Variants in CRYBB1 observed in about 807,000 individuals in gnomAD.
CRYBB1 encodes the protein crystallin beta B1.
CRYBB1 carries 16 observed loss-of-function variants against 29.5 expected under a neutral mutation model. The observed-to-expected ratio is 0.54, with a 90% CI of 0.37 to 0.82. The LOEUF (loss-of-function observed/expected upper bound fraction) is 0.82, where lower values mean the gene tolerates loss of function less well. CRYBB1 is among the 40% of genes least tolerant of loss of function. CRYBB1 has a pLI of 0.00. For missense variants in CRYBB1, 300 were observed against 350.5 expected (o/e 0.86, Z 1.15); for synonymous variants, 127 against 136.7 (o/e 0.93, Z 0.49).
rs1929350147 is a variant in CRYBB1, at chr22:26,616,252, C to T, written c.68G>A (p.Gly23Glu). The part of the protein sequence containing the change: ...VAVNPGPDTK[G>E]KGAPPAGTSP... The stretch of plus-strand genomic sequence containing the variant: ...TGTTCCTGCAGGTGGGGCCCCCTTC[C>T]CCTTGGTGTCAGGCCCTGGGTTCAC... The change falls in exon 2 of 6, where the codon GGG becomes GAG. Residue 23 changes from glycine to glutamate, a missense_variant. By Grantham distance (98) the Gly-to-Glu change is moderately conservative. Coordinates refer to ENST00000647684, the MANE Select transcript of CRYBB1 (RefSeq NM_001887.4). 6.2e-7 allele frequency: 1 copy of T among 1,614,102 alleles called. No individual in the cohort carries two copies. Among genetic ancestry groups the T allele is most frequent in the Non-Finnish European group, 8.5e-7 (1 of 1,179,946 alleles).
At chr22:26,612,885 C>T (rs1929223149) in intron 2 of CRYBB1, among the ~76,000 whole-genome samples, 1 of 152,204 alleles carries the variant, frequency 6.6e-6, no homozygotes, top group Non-Finnish European at 1.5e-5. Flanking sequence ...TTGCCCCTTC[C>T]TCCATCGGCC....
intron 3 of CRYBB1, among the ~76,000 whole-genome samples, chr22:26,608,370 AG>A (rs1415879164): frequency 2.6e-5 from 4 of 152,186 alleles, no homozygotes; most frequent in African/African-American, 9.7e-5. Flanking sequence ...CAGGACTTGG[AG>A]CCAAGGAACA....
At chr22:26,599,857 C>T (rs1484130797) in intron 5 of CRYBB1, among the ~76,000 whole-genome samples, 184 bp from the exon 6 acceptor site, 2 of 152,348 alleles carry the variant, frequency 1.3e-5, no homozygotes, top group South Asian at 2.1e-4. Context: ...TGATAGGCCT[C>T]GGTTTCCTTT....
intron 5 of CRYBB1, among the ~76,000 whole-genome samples, chr22:26,601,542 C>T (rs1481134322): frequency 6.6e-6 from 1 of 151,692 alleles, no homozygotes; most frequent in Non-Finnish European, 1.5e-5. Flanking sequence ...ATATTCCCTG[C>T]TCCTGGATGC....
At chr22:26,609,000 G>A (rs4822748) in intron 3 of CRYBB1, among the ~76,000 whole-genome samples, 27,049 of 152,202 alleles carry the variant, frequency 0.18, 3,168 homozygotes, top group South Asian at 0.38. Flanking sequence ...AGGGACCAGG[G>A]ATTGTGGCAG....
chr22:26,612,096 C>T lies in CRYBB1; in HGVS notation c.275G>A (p.Arg92His), dbSNP rs750427170. ...NLADRGFDRVRSIIVSAGPWV... is the reference protein window; with the variant it reads ...NLADRGFDRVHSIIVSAGPWV... ...CGGTCCCGCGGAGACAATGATGCTG[C>T]GCACACGGTCGAAGCCACGGTCTGC... is the stretch of plus-strand genomic sequence containing the variant. Residue 92 changes from arginine (R) to histidine (H), a missense_variant, in exon 3 of 6, where the codon CGC (arginine) becomes CAC (histidine). Transcript: ENST00000647684. The T allele has an allele frequency of 1.0e-4, 161 of 1,613,370 alleles. No individual in the cohort carries two copies. In the East Asian group the frequency reaches 1.1e-3, roughly 11 times the overall value.
At position 26,607,991 on chromosome 22, in the gene CRYBB1, G is replaced by T. The variant is rs766550440; in HGVS notation, c.330C>A (p.Arg110=). The T allele has an allele frequency of 1.6e-5, 26 of 1,614,178 alleles. No individual in the cohort carries two copies. The highest frequency in any genetic ancestry group is 2.2e-5 in the Non-Finnish European group (26 of 1,180,034). ...PWVAFEQSNF[R]GEMFILEKGE... is the part of the protein sequence containing the mutation. ...CCTTCTCCAGGATGAACATCTCCCC[G>T]CGGAAGTTGGACTGCTCAAAGGCGA... The change falls in exon 4 of 6, where the codon CGC becomes CGA. Residue 110 remains arginine (R), a synonymous_variant. Coordinates refer to ENST00000647684, the MANE Select transcript of CRYBB1 (RefSeq NM_001887.4).
Position 26,601,953 on chromosome 22 carries a change from CT to C in CRYBB1, c.500del (p.Gln167ArgfsTer20), listed in dbSNP as rs1348869402. On this transcript the variant is annotated frameshift_variant, in exon 5 of 6. Transcript: ENST00000647684. LOFTEE classifies it high-confidence loss of function. ...ANFKGNTIEI[Q>X]GDDAPSLWVY... ...CCCAGAGACTGGGTGCGTCGTCCCC[CT>C]GGATCTCTATGGTGTTGCCCTTGAA... 4 of 1,613,596 alleles carry C rather than the reference CT, an allele frequency of 2.5e-6. No individual in the cohort carries two copies. The East Asian group carries it at 6.7e-5, about 27-fold the overall frequency.
At chr22:26,610,896 C>T (rs975642796) in intron 3 of CRYBB1, among the ~76,000 whole-genome samples, 14 of 152,140 alleles carry the variant, frequency 9.2e-5, no homozygotes, top group Non-Finnish European at 1.8e-4. Context: ...AAGCTCATCT[C>T]GGAATGGGCT....
Position 26,616,270 on chromosome 22 carries a change from G to T in CRYBB1, c.50C>A (p.Pro17Gln). Residue 17 changes from proline (P) to glutamine (Q), a missense_variant, in exon 2 of 6, where the codon CCA becomes CAA. Physicochemically the swap from Pro to Gln is moderately conservative, Grantham distance 76. Coordinates refer to ENST00000647684, the MANE Select transcript of CRYBB1 (RefSeq NM_001887.4). ...ASASATVAVN[P>Q]GPDTKGKGAP... is the part of the protein sequence containing the mutation. ...CCCCTTCCCCTTGGTGTCAGGCCCT[G>T]GGTTCACCGCCACTGTGGCCGAGGC... is the stretch of plus-strand genomic sequence containing the variant. The T allele has an allele frequency of 6.2e-7, 1 of 1,614,012 alleles. No homozygotes were observed. Among genetic ancestry groups the T allele is most frequent in the Non-Finnish European group, 8.5e-7 (1 of 1,179,888 alleles).
At chr22:26,609,704 C>T (rs1045887101) in intron 3 of CRYBB1, among the ~76,000 whole-genome samples, 11 of 152,162 alleles carry the variant, frequency 7.2e-5, no homozygotes, top group East Asian at 5.8e-4. Flanking sequence ...GGTGGATAGA[C>T]GCATGGGTGA....
intron 3 of CRYBB1, among the ~76,000 whole-genome samples, chr22:26,609,413 G>A (rs1423701076): frequency 2.6e-5 from 4 of 152,280 alleles, no homozygotes; most frequent in South Asian, 2.1e-4. Flanking sequence ...TGGATGGATG[G>A]GTGGATGAAA....
chr22:26,610,388 C>T (rs1353476963), intron 3 of CRYBB1, among the ~76,000 whole-genome samples: 1 of 152,176 alleles, frequency 6.6e-6, no homozygotes, highest in Non-Finnish European at 1.5e-5. Context: ...GACCCAGGCC[C>T]CCGGACCACA....
rs773201498 is a variant in CRYBB1, at chr22:26,601,889, A to T, written c.565T>A (p.Ser189Thr). ...AGGAGGGATGCTTACGTTCCACTGG[A>T]GACCTTCACGCTGCCCACGCGGTCA... is the stretch of plus-strand genomic sequence containing the variant. ...FSDRVGSVKV[S>T]SGTWVGYQYP... The change falls in exon 5 of 6, where the codon TCC (serine) becomes ACC (threonine). Residue 189 changes from serine (S) to threonine (T), a missense_variant. By Grantham distance (58) the Ser-to-Thr change is moderately conservative. Coordinates refer to ENST00000647684, the MANE Select transcript of CRYBB1 (RefSeq NM_001887.4). 2 of 1,612,070 alleles carry T rather than the reference A, an allele frequency of 1.2e-6. No homozygotes were observed. Among genetic ancestry groups the T allele is most frequent in the Non-Finnish European group, 1.7e-6 (2 of 1,179,836 alleles).
At chr22:26,601,368 T>C (rs755739141) in intron 5 of CRYBB1, among the ~76,000 whole-genome samples, 3 of 152,066 alleles carry the variant, frequency 2.0e-5, no homozygotes, top group Non-Finnish European at 2.9e-5. Context: ...TCAGGGAATT[T>C]TGTGTGCCCA....
intron 3 of CRYBB1, among the ~76,000 whole-genome samples, chr22:26,610,396 A>C (rs1929120432): frequency 6.6e-6 from 1 of 151,954 alleles, no homozygotes; most frequent in African/African-American, 2.4e-5. Flanking sequence ...CCCCCGGACC[A>C]CAGGCCCGTT....
At position 26,605,671 on chromosome 22, in the gene CRYBB1, CAAAAAA is replaced by C. The variant is rs771110435; in HGVS notation, c.432+2212_432+2217del. Among the ~76,000 whole-genome samples, 8 of 54,202 alleles carry C rather than the reference CAAAAAA, an allele frequency of 1.5e-4. No homozygotes were observed. The South Asian group carries it at 2.7e-3, about 18-fold the overall frequency. The allele number at this position is 54,202 out of a possible 152,430, so 35.6% of individuals were successfully genotyped here. A position where few individuals can be genotyped will look rare whatever the true frequency, so the allele number is the denominator to read the frequency against. The stretch of plus-strand genomic sequence containing the variant: ...CTGGGCAACAGAGTTAGATGTGTCT[CAAAAAA>C]AAAAAAAAAAAAAAAGGAAAATAGA... On this transcript the variant is annotated intron_variant, in intron 4 of 5. Transcript: ENST00000647684.
chr22:26,606,076 C>T (rs897260118), intron 4 of CRYBB1, among the ~76,000 whole-genome samples: 8 of 152,118 alleles, frequency 5.3e-5, no homozygotes, highest in Admixed American at 2.0e-4. Context: ...TATGTGTAGC[C>T]CAAGACAATT....
intron 4 of CRYBB1, among the ~76,000 whole-genome samples, chr22:26,606,750 C>T (rs1928986759): frequency 6.6e-6 from 1 of 152,206 alleles, no homozygotes; most frequent in Non-Finnish European, 1.5e-5. Context: ...GCCTCAAATG[C>T]ACATTCATGA....
Sources: gnomAD v4.1 joint callset for allele counts (sites outside exome capture counted in the v4.1 genomes callset) on GRCh38, gnomAD v4.1.1 for gene constraint, MANE v1.5 for transcripts, NCBI Gene and HGNC (gene_info 2026-07-23, HGNC 2026-07-21) for gene names.